Variants in OSBPL10 observed in about 807,000 individuals in gnomAD.
OSBPL10 encodes oxysterol-binding protein-related protein 10.
OSBPL10 carries 49 observed loss-of-function variants against 81.7 expected under a neutral mutation model. That is an observed-to-expected ratio of 0.60 (90% CI 0.48 to 0.76). The LOEUF is 0.76. OSBPL10 is among the 30% of genes least tolerant of loss of function. OSBPL10 has a pLI of 0.00. For missense variants in OSBPL10, 923 were observed against 987.8 expected, an observed-to-expected ratio of 0.93 and a Z score of 0.88; for synonymous variants, 419 against 383.6, an observed-to-expected ratio of 1.09 and a Z score of -1.08.
At chr3:31,696,300 TC>T (rs1454367245) in intron 7 of OSBPL10, among the ~76,000 whole-genome samples, 1 of 152,208 alleles carries the variant, frequency 6.6e-6, no homozygotes, top group African/African-American at 2.4e-5. Context: ...TGTCTCCTAA[TC>T]CCATCAGCAT....
chr3:31,926,727 A>C (rs1307091339), intron 1 of OSBPL10, among the ~76,000 whole-genome samples: 1 of 152,210 alleles, frequency 6.6e-6, no homozygotes, highest in African/African-American at 2.4e-5. Flanking sequence ...ATTCTCATGC[A>C]GAGGTTATTA....
chr3:31,947,423 T>C (rs976164910), intron 1 of OSBPL10, among the ~76,000 whole-genome samples: 6 of 152,186 alleles, frequency 3.9e-5, no homozygotes, highest in African/African-American at 1.2e-4. Flanking sequence ...GCTATCCTCC[T>C]CACAAAGGCG....
At chr3:32,004,303 C>G (rs1480411840) in intron 2 of OSBPL10, among the ~76,000 whole-genome samples, 2 of 152,088 alleles carry the variant, frequency 1.3e-5, no homozygotes, top group African/African-American at 4.8e-5. Context: ...GGGCCTCCAG[C>G]AGGGAGCAGC....
chr3:31,787,086 C>T (rs545822630), intron 4 of OSBPL10, among the ~76,000 whole-genome samples: 34 of 152,304 alleles, frequency 2.2e-4, no homozygotes, highest in Non-Finnish European at 4.3e-4. Flanking sequence ...ATAGAATAAG[C>T]GGTCACGATA....
In OSBPL10 at chr3:31,684,103, G is replaced by A. The variant is rs1010076735; in HGVS notation, c.1257C>T (p.Pro419=). ...LGMDLTKVVL[P]TFILEKRSLL... is the part of the protein sequence containing the mutation. ...AAGATCGCTTCTCCAGGATAAAGGTGGGAAGCACCACCTGCATTTGGAAGG... is the reference window on the plus strand; with the variant it reads ...AAGATCGCTTCTCCAGGATAAAGGTAGGAAGCACCACCTGCATTTGGAAGG... Residue 419 remains proline, a synonymous_variant, in exon 8 of 12, where the codon CCC becomes CCT. Transcript: ENST00000396556. 6.2e-7 allele frequency: 1 copy of A among 1,612,634 alleles called. No individual in the cohort carries two copies. The highest frequency in any genetic ancestry group is 8.5e-7 in the Non-Finnish European group (1 of 1,178,746).
chr3:31,935,160 C>T (rs377076868), intron 1 of OSBPL10, among the ~76,000 whole-genome samples: 10 of 152,278 alleles, frequency 6.6e-5, no homozygotes, highest in African/African-American at 2.4e-4. Flanking sequence ...ACCACTTCTA[C>T]TTATATTTCA....
chr3:31,752,033 A>G (rs2125705345), intron 4 of OSBPL10, among the ~76,000 whole-genome samples: 1 of 152,316 alleles, frequency 6.6e-6, no homozygotes. Flanking sequence ...TTAAGGGCAC[A>G]TGTGAGAAGA....
intron 6 of OSBPL10, among the ~76,000 whole-genome samples, chr3:31,720,881 CAA>C (rs61492992): frequency 2.1e-3 from 141 of 66,272 alleles, no homozygotes; most frequent in African/African-American, 6.2e-3. Flanking sequence ...GACTCTGTCT[CAA>C]AAAAAAAAAA....
At chr3:31,737,940 C>T (rs1393854364) in intron 5 of OSBPL10, among the ~76,000 whole-genome samples, 2 of 151,104 alleles carry the variant, frequency 1.3e-5, no homozygotes, top group East Asian at 1.9e-4. Context: ...TGCAGTGAGC[C>T]GAGATCATGC....
chr3:31,717,725 T>C (rs1282923455), intron 6 of OSBPL10, among the ~76,000 whole-genome samples: 1 of 152,344 alleles, frequency 6.6e-6, no homozygotes, highest in East Asian at 1.9e-4. Flanking sequence ...GTACTTTTAC[T>C]CAAATGTGAA....
At chr3:31,852,851 T>A (rs544782403) in intron 3 of OSBPL10, among the ~76,000 whole-genome samples, 1 of 152,238 alleles carries the variant, frequency 6.6e-6, no homozygotes, top group East Asian at 1.9e-4. Flanking sequence ...AGGGCTGGGA[T>A]TACAGGTGTG....
At chr3:31,718,533 T>C (rs1696526680) in intron 6 of OSBPL10, among the ~76,000 whole-genome samples, 1 of 152,230 alleles carries the variant, frequency 6.6e-6, no homozygotes, top group African/African-American at 2.4e-5. Flanking sequence ...GACAGAATTC[T>C]CTACTCCTGA....
intron 6 of OSBPL10, chr3:31,718,035 G>A (rs892662113): frequency 6.6e-6 from 1 of 152,078 alleles, no homozygotes; most frequent in Non-Finnish European, 1.5e-5. Flanking sequence ...AGATACAACT[G>A]TGCTCAGGTA....
chr3:31,866,826 G>A (rs1315331945), intron 3 of OSBPL10, among the ~76,000 whole-genome samples: 2 of 152,008 alleles, frequency 1.3e-5, no homozygotes, highest in East Asian at 1.9e-4. Context: ...TCATTCTAAG[G>A]GGATGGGGAA....
intron 2 of OSBPL10, among the ~76,000 whole-genome samples, chr3:32,034,055 GGAGT>G (rs1168964420): frequency 6.6e-6 from 1 of 152,160 alleles, no homozygotes; most frequent in African/African-American, 2.4e-5. Context: ...GCAGAAGGAT[GGAGT>G]GAGTGCAAGC....
In OSBPL10 at chr3:31,733,266, T is replaced by TA. The variant is rs756172905; in HGVS notation, c.1085_1086insT (p.Glu363ArgfsTer9). The TA allele has an allele frequency of 6.2e-7, 1 of 1,613,146 alleles. No individual in the cohort carries two copies. Among genetic ancestry groups the TA allele is most frequent in the Admixed American group, 1.7e-5 (1 of 59,684 alleles). ...AGGACTGCACGCTTACCTCTGGCTC[T>TA]GGCTGTGAGGTTTGTTCGTCTTCAG... On this transcript the variant is annotated frameshift_variant, in exon 6 of 12. Transcript: ENST00000396556. LOFTEE classifies it high-confidence loss of function.
intron 1 of OSBPL10, among the ~76,000 whole-genome samples, chr3:31,953,840 A>AGT (rs1487213817): frequency 6.6e-6 from 1 of 152,234 alleles, no homozygotes; most frequent in Non-Finnish European, 1.5e-5. Context: ...GTATGTGAGG[A>AGT]GTGTGTGTGA....
upstream of OSBPL10, chr3:31,981,414 G>A: frequency 1.7e-6 from 1 of 597,674 alleles, no homozygotes; most frequent in Non-Finnish European, 2.4e-6. This position sits in a 1 kb window ranked among gnomAD's most constrained non-coding sequence, Gnocchi z 4.5. Flanking sequence ...CCAGGGCCCG[G>A]CCCCTCCCTC....
Position 31,960,444 on chromosome 3 carries a change from A to G in OSBPL10, c.281+20455T>C, listed in dbSNP as rs1698128614. 2.0e-5 allele frequency: 3 copies of G among 152,200 alleles called. No homozygotes were observed. The South Asian group carries it at 6.2e-4, about 31-fold the overall frequency. 9.4% of individuals were successfully genotyped at this position (152,200 alleles called of 1,614,324 possible). On this transcript the variant is annotated intron_variant, in intron 1 of 11. Coordinates refer to ENST00000396556, the MANE Select transcript of OSBPL10 (RefSeq NM_017784.5). Reference sequence around the variant, plus strand: ...GCATTTGCATCAATTAGGATTATAAACAGACTGTGGAAATGAGATGCAATA... The same window carrying G: ...GCATTTGCATCAATTAGGATTATAAGCAGACTGTGGAAATGAGATGCAATA...
Sources: allele counts gnomAD v4.1 joint callset (sites outside exome capture counted in the v4.1 genomes callset), GRCh38; gene constraint gnomAD v4.1.1; non-coding constraint Gnocchi (gnomAD v3.1); transcripts MANE v1.5; gene names NCBI Gene and HGNC (gene_info 2026-07-23, HGNC 2026-07-21).